Variants in ADK observed in about 807,000 individuals in gnomAD.
ADK encodes the protein N6,N6-dimethyladenosine kinase.
Under a neutral mutation model 44.7 loss-of-function variants are expected in ADK, and 24 were observed. That is an observed-to-expected ratio of 0.54 (90% confidence interval 0.39 to 0.76). ADK has a LOEUF of 0.76. Ranked by LOEUF, ADK falls within the 30% of genes least tolerant of loss-of-function variation. ADK has a pLI of 0.00. For synonymous variants in ADK, 128 were observed against 142.6 expected (o/e 0.90, Z 0.73); for missense variants, 321 against 425.1 (o/e 0.76, Z 2.15).
At chr10:74,412,989 C>T (rs890204974) in intron 6 of ADK, among the ~76,000 whole-genome samples, 10 of 151,740 alleles carry the variant, frequency 6.6e-5, no homozygotes, top group African/African-American at 2.2e-4. Flanking sequence ...ACCCTGGAGG[C>T]GGAGGTTGCG....
At chr10:74,352,125 C>T (rs1841982055) in intron 4 of ADK, among the ~76,000 whole-genome samples, 1 of 151,662 alleles carries the variant, frequency 6.6e-6, no homozygotes, top group South Asian at 2.1e-4. Flanking sequence ...TAAGACAATC[C>T]TAAGCAAAAA....
At chr10:74,195,090 C>CA (rs11372723) in intron 1 of ADK, among the ~76,000 whole-genome samples, 98,211 of 148,854 alleles carry the variant, frequency 0.66, 32,719 homozygotes, top group Middle Eastern at 0.81. Context: ...CTCCCCCCCC[C>CA]AAAAAAAAAA....
chr10:74,438,233 T>TC (rs925845956), intron 6 of ADK, among the ~76,000 whole-genome samples: 15 of 128,612 alleles, frequency 1.2e-4, no homozygotes, highest in African/African-American at 4.2e-4. Flanking sequence ...TCTCTCTCTC[T>TC]TTTTTTTTTT....
chr10:74,172,571 C>T (rs977135645), intron 1 of ADK, among the ~76,000 whole-genome samples: 9 of 151,698 alleles, frequency 5.9e-5, no homozygotes, highest in Non-Finnish European at 1.3e-4. Flanking sequence ...TGCCTATAAT[C>T]CCAGCTGCTA....
chr10:74,652,684 T>G (rs1003653619), intron 9 of ADK, among the ~76,000 whole-genome samples: 27 of 150,922 alleles, frequency 1.8e-4, no homozygotes, highest in African/African-American at 6.3e-4. Flanking sequence ...CACTTGAACC[T>G]GGGAGGCAGA....
At chr10:74,397,401 A>G (rs983465401) in intron 5 of ADK, among the ~76,000 whole-genome samples, 2 of 152,054 alleles carry the variant, frequency 1.3e-5, no homozygotes, top group Admixed American at 6.6e-5. Context: ...TTAGAAAAAG[A>G]GAAAAATTGG....
chr10:74,206,387 TTTGA>T (rs1352759687), intron 2 of ADK, among the ~76,000 whole-genome samples: 1 of 152,196 alleles, frequency 6.6e-6, no homozygotes, highest in African/African-American at 2.4e-5. Context: ...GGTGGCAAGC[TTTGA>T]TTGGTGAGTG....
At chr10:74,153,997 A>G (rs1436420787) in intron 1 of ADK, among the ~76,000 whole-genome samples, 2 of 152,182 alleles carry the variant, frequency 1.3e-5, no homozygotes, top group Admixed American at 6.5e-5. Flanking sequence ...TTGGTGGGAA[A>G]TAAGTGGGGT....
intron 6 of ADK, among the ~76,000 whole-genome samples, chr10:74,426,677 A>G (rs1222244611): frequency 6.6e-6 from 1 of 152,198 alleles, no homozygotes; most frequent in Admixed American, 6.5e-5. Flanking sequence ...GCATAGTTTC[A>G]ACTTTTGAAA....
intron 3 of ADK, among the ~76,000 whole-genome samples, chr10:74,309,584 A>G (rs1206231733): frequency 1.3e-5 from 2 of 152,132 alleles, no homozygotes; most frequent in Non-Finnish European, 2.9e-5. Flanking sequence ...TCATATTCCA[A>G]TATTGATTCT....
rs540552390 is a variant in ADK, at chr10:74,691,269, G to T, written c.965-17052G>T. Among the ~76,000 whole-genome samples the T allele has an allele frequency of 2.2e-4, 33 of 152,316 alleles. No individual in the cohort carries two copies. In the East Asian group the frequency reaches 3.1e-3, roughly 14 times the overall value. On this transcript the variant is annotated intron_variant, in intron 10 of 10. Coordinates refer to ENST00000539909, the MANE Select transcript of ADK (RefSeq NM_006721.4). Reference sequence around the variant, plus strand: ...CCAGAAATGACTAAGAACAAAGTTTGTGCAGGGAGACAGGGAGAATTGAGT... The same window carrying T: ...CCAGAAATGACTAAGAACAAAGTTTTTGCAGGGAGACAGGGAGAATTGAGT...
intron 3 of ADK, among the ~76,000 whole-genome samples, chr10:74,242,189 G>GT (rs1287235045): frequency 2.0e-5 from 3 of 152,220 alleles, no homozygotes; most frequent in Non-Finnish European, 2.9e-5. Flanking sequence ...TGGCAAGCAT[G>GT]TTTTTTAAAT....
intron 6 of ADK, among the ~76,000 whole-genome samples, chr10:74,481,199 G>A (rs902776770): frequency 6.6e-6 from 1 of 152,056 alleles, no homozygotes; most frequent in East Asian, 1.9e-4. Flanking sequence ...TGTACTTCTT[G>A]TGGCTTATTG....
intron 7 of ADK, among the ~76,000 whole-genome samples, chr10:74,571,573 C>T (rs1433984115): frequency 5.3e-5 from 8 of 152,190 alleles, no homozygotes; most frequent in Admixed American, 4.6e-4. Flanking sequence ...AGTTTATTTG[C>T]GTAGAGGTGT....
At chr10:74,166,476 C>A (rs529865469) in intron 1 of ADK, among the ~76,000 whole-genome samples, 1 of 152,072 alleles carries the variant, frequency 6.6e-6, no homozygotes, top group African/African-American at 2.4e-5. Flanking sequence ...TGTGCCACCA[C>A]GCCCAACTAA....
intron 9 of ADK, among the ~76,000 whole-genome samples, chr10:74,610,602 TA>T (rs533881199): frequency 6.6e-6 from 1 of 151,940 alleles, no homozygotes; most frequent in Non-Finnish European, 1.5e-5. Flanking sequence ...TTTTTCAATT[TA>T]AAAAAAATTA....
chr10:74,276,025 G>A (rs79492125), intron 3 of ADK, among the ~76,000 whole-genome samples: 3,678 of 152,168 alleles, frequency 0.024, 126 homozygotes, highest in African/African-American at 0.074. Context: ...TCTTTGCATC[G>A]TATAGTTTTT....
intron 7 of ADK, among the ~76,000 whole-genome samples, chr10:74,583,700 T>TG (rs1183000780): frequency 1.3e-5 from 2 of 152,180 alleles, no homozygotes; most frequent in Non-Finnish European, 1.5e-5. Context: ...GAAGTTTTTA[T>TG]TAACATAATT....
chr10:74,671,014 A>G (rs1459496440), intron 10 of ADK, among the ~76,000 whole-genome samples: 13 of 136,670 alleles, frequency 9.5e-5, no homozygotes, highest in Admixed American at 7.9e-4. Flanking sequence ...CTTTCTCTTA[A>G]CATCAAGCCA....
Sources: allele counts gnomAD v4.1 joint callset (sites outside exome capture counted in the v4.1 genomes callset), GRCh38; gene constraint gnomAD v4.1.1; transcripts MANE v1.5; gene names NCBI Gene and HGNC (gene_info 2026-07-23, HGNC 2026-07-21).